Variants in MICU1 observed in about 807,000 individuals in gnomAD.
MICU1 encodes the protein calcium uptake protein 1, mitochondrial.
In MICU1, 45 loss-of-function variants were observed where a neutral mutation model predicts 56.8. The ratio of observed to expected loss-of-function variants is 0.79; its 90% CI spans 0.62 to 1.02. The LOEUF is 1.02. MICU1 is among the 50% of genes least tolerant of loss of function. The pLI is 0.00. For synonymous variants in MICU1, 186 were observed against 195.1 expected (o/e 0.95, Z 0.39); for missense variants, 504 against 587.1 (o/e 0.86, Z 1.46).
chr10:72,569,001 G>A (rs1221832260), intron 1 of MICU1, among the ~76,000 whole-genome samples: 2 of 150,124 alleles, frequency 1.3e-5, no homozygotes, highest in Non-Finnish European at 3.0e-5. Flanking sequence ...TGATCCATCC[G>A]CCTCGGCCTC....
chr10:72,587,339 T>A (rs1008729537), intron 1 of MICU1, among the ~76,000 whole-genome samples: 30 of 151,780 alleles, frequency 2.0e-4, no homozygotes, highest in African/African-American at 6.8e-4. Flanking sequence ...TGGTGGTGTG[T>A]GCCTGTAGTC....
intron 1 of MICU1, among the ~76,000 whole-genome samples, chr10:72,569,233 A>ATTTTTTTT (rs1231227018): frequency 0.016 from 633 of 40,240 alleles, 17 homozygotes; most frequent in Non-Finnish European, 0.026. Context: ...ATATATATAT[A>ATTTTTTTT]TATATTTTTT....
intron 5 of MICU1, among the ~76,000 whole-genome samples, chr10:72,528,422 C>T (rs1868024353): frequency 6.6e-6 from 1 of 152,132 alleles, no homozygotes; most frequent in Non-Finnish European, 1.5e-5. Context: ...ATTATATTTA[C>T]ATATTCATAT....
chr10:72,445,701 T>C (rs2132195577), intron 8 of MICU1, among the ~76,000 whole-genome samples: 1 of 152,300 alleles, frequency 6.6e-6, no homozygotes, highest in Non-Finnish European at 1.5e-5. Flanking sequence ...AGATTTGCAG[T>C]TAGGCAGACT....
At position 72,508,287 on chromosome 10, in the gene MICU1, C is replaced by A; in HGVS notation, c.538-18G>T. On this transcript the variant is annotated intron_variant, in intron 5 of 11. Transcript: ENST00000361114. ...GAAATTTTCTATAGAATGTATGGGTCCCACCAAAAGACAAAAATATATAAG... is the reference window on the plus strand; with the variant it reads ...GAAATTTTCTATAGAATGTATGGGTACCACCAAAAGACAAAAATATATAAG... The A allele has an allele frequency of 2.4e-6, 3 of 1,257,354 alleles. No individual in the cohort carries two copies. Among genetic ancestry groups the A allele is most frequent in the South Asian group, 1.7e-5 (1 of 58,940 alleles). 77.9% of individuals were successfully genotyped at this position (1,257,354 alleles called of 1,614,324 possible). A position where few individuals can be genotyped will look rare whatever the true frequency, so the allele number is the denominator to read the frequency against.
chr10:72,406,608 T>TAAA (rs371156230), intron 10 of MICU1, among the ~76,000 whole-genome samples: 1 of 142,408 alleles, frequency 7.0e-6, no homozygotes, highest in African/African-American at 2.5e-5. Context: ...TACTCCTTAT[T>TAAA]AAAAAAAAAA....
At chr10:72,594,887 A>G (rs12415449) in intron 1 of MICU1, among the ~76,000 whole-genome samples, 87,361 of 141,646 alleles carry the variant, frequency 0.62, 28,501 homozygotes, top group African/African-American at 0.71. Flanking sequence ...TCCAGCCTGG[A>G]TGACAAAGTG....
At chr10:72,409,173 G>A (rs887682876) in intron 9 of MICU1, among the ~76,000 whole-genome samples, 2 of 152,166 alleles carry the variant, frequency 1.3e-5, no homozygotes, top group Admixed American at 1.3e-4. Context: ...AGACACTGAT[G>A]TTAATGCCTT....
At chr10:72,484,031 T>C (rs1866386245) in intron 6 of MICU1, among the ~76,000 whole-genome samples, 1 of 152,206 alleles carries the variant, frequency 6.6e-6, no homozygotes, top group Non-Finnish European at 1.5e-5. Flanking sequence ...AACCATTTAG[T>C]GATTTAATAT....
chr10:72,574,271 G>A (rs960587464), intron 1 of MICU1, among the ~76,000 whole-genome samples: 1 of 152,168 alleles, frequency 6.6e-6, no homozygotes, highest in Non-Finnish European at 1.5e-5. Flanking sequence ...GCTCACGCCT[G>A]TAATCTCAAG....
intron 10 of MICU1, among the ~76,000 whole-genome samples, chr10:72,389,492 G>C (rs1303856489): frequency 1.3e-5 from 2 of 152,138 alleles, no homozygotes; most frequent in African/African-American, 2.4e-5. Context: ...CTTTTGGCTT[G>C]TCAGATAATA....
chr10:72,454,878 G>A (rs1865410733), intron 8 of MICU1, among the ~76,000 whole-genome samples: 1 of 151,936 alleles, frequency 6.6e-6, no homozygotes, highest in Non-Finnish European at 1.5e-5. Flanking sequence ...AGAAATGCTA[G>A]GAGTTTTGGG....
chr10:72,580,495 G>C (rs1264632262), intron 1 of MICU1, among the ~76,000 whole-genome samples: 1 of 148,650 alleles, frequency 6.7e-6, no homozygotes, highest in Non-Finnish European at 1.5e-5. Context: ...TATTTATTTT[G>C]AGACAGAGTC....
At chr10:72,386,402 G>A (rs916476289) in intron 10 of MICU1, among the ~76,000 whole-genome samples, 1 of 152,064 alleles carries the variant, frequency 6.6e-6, no homozygotes, top group African/African-American at 2.4e-5. Context: ...GGCTCGTCTT[G>A]AACTCCTGAC....
At chr10:72,475,434 A>T (rs976986289) in intron 7 of MICU1, 137 bp from the exon 8 acceptor site, 134 of 614,534 alleles carry the variant, frequency 2.2e-4, no homozygotes, top group Middle Eastern at 4.9e-4. Flanking sequence ...GCTTACAACA[A>T]TTTTTTTTTT....
At chr10:72,529,366 C>G (rs1402329397) in intron 5 of MICU1, among the ~76,000 whole-genome samples, 1 of 152,050 alleles carries the variant, frequency 6.6e-6, no homozygotes, top group African/African-American at 2.4e-5. Context: ...AAAAGAAATA[C>G]ATGGTGGTAT....
intron 8 of MICU1, among the ~76,000 whole-genome samples, chr10:72,472,267 C>A (rs2132261658): frequency 6.6e-6 from 1 of 152,164 alleles, no homozygotes; most frequent in East Asian, 1.9e-4. Context: ...GAAAACGTCG[C>A]TAACTAGAAT....
intron 8 of MICU1, among the ~76,000 whole-genome samples, chr10:72,465,344 A>C (rs1865761268): frequency 6.9e-6 from 1 of 145,716 alleles, no homozygotes; most frequent in African/African-American, 2.5e-5. Context: ...ACCCTTAAAC[A>C]TATACTTGGC....
intron 7 of MICU1, 56 bp from the exon 8 acceptor site, chr10:72,475,353 A>C: frequency 7.0e-7 from 1 of 1,418,684 alleles, no homozygotes; most frequent in Non-Finnish European, 9.6e-7. Flanking sequence ...GAAAACATAA[A>C]CATAGAAAAG....
Sources: allele counts gnomAD v4.1 joint callset (sites outside exome capture counted in the v4.1 genomes callset), GRCh38; gene constraint gnomAD v4.1.1; transcripts MANE v1.5; gene names NCBI Gene and HGNC (gene_info 2026-07-23, HGNC 2026-07-21).